Variants in HOOK3 observed in about 807,000 individuals in gnomAD.
The protein encoded by HOOK3 is hook microtubule tethering protein 3, also known as protein Hook homolog 3.
In HOOK3, 24 loss-of-function variants were observed where a neutral mutation model predicts 116.3. That is an observed-to-expected ratio of 0.21 (90% CI 0.15 to 0.29). The LOEUF (loss-of-function observed/expected upper bound fraction) is 0.29. Ranked by LOEUF, HOOK3 falls within the 10% of genes least tolerant of loss-of-function variation. HOOK3 has a pLI of 1.00. For missense variants in HOOK3, 632 were observed against 830.2 expected (o/e 0.76, Z 2.93); for synonymous variants, 275 against 283.0 (o/e 0.97, Z 0.28).
At position 43,025,239 on chromosome 8, in the gene HOOK3, G is replaced by T. The variant is rs1431413184; in HGVS notation, c.*6741G>T. On this transcript the variant is annotated 3_prime_UTR_variant, in exon 22 of 22. Transcript: ENST00000307602. The stretch of plus-strand genomic sequence containing the variant: ...GGAATTACTTGATGTCTCTTCAGAA[G>T]TTTTCTGTTTTCTTATAATTTCCAG... 1 of 205,874 alleles carries T rather than the reference G, an allele frequency of 4.9e-6. No individual in the cohort carries two copies. The highest frequency in any genetic ancestry group is 2.3e-5 in the African/African-American group (1 of 43,866). The allele number at this position is 205,874 out of a possible 1,614,324, so 12.8% of individuals were successfully genotyped here. A position where few individuals can be genotyped will look rare whatever the true frequency, so the allele number is the denominator to read the frequency against.
chr8:43,022,581 T>C lies in HOOK3; in HGVS notation c.*4083T>C, dbSNP rs547264878. ...TGTTCCACAGTGTGTATTTCAGAAG[T>C]TTGTAATCCAGAAAATATAGTAGTG... On this transcript the variant is annotated 3_prime_UTR_variant, in exon 22 of 22. Coordinates refer to ENST00000307602, the MANE Select transcript of HOOK3 (RefSeq NM_032410.4). The C allele has an allele frequency of 2.1e-4, 40 of 186,826 alleles. No individual in the cohort carries two copies. The highest frequency in any genetic ancestry group is 2.0e-3 in the Middle Eastern group (1 of 504). The allele number at this position is 186,826 out of a possible 1,614,324, so 11.6% of individuals were successfully genotyped here. A position where few individuals can be genotyped will look rare whatever the true frequency, so the allele number is the denominator to read the frequency against.
chr8:43,021,959 G>A lies in HOOK3; in HGVS notation c.*3461G>A, dbSNP rs915477715. On this transcript the variant is annotated 3_prime_UTR_variant, in exon 22 of 22. Transcript: ENST00000307602. ...GCTGGGATTACAGGCGTGAGCCACC[G>A]CGCCCAGCCTACATTTATAATTTTC... 3.9e-5 allele frequency: 7 copies of A among 177,626 alleles called. No individual in the cohort carries two copies. Among genetic ancestry groups the A allele is most frequent in the East Asian group, 1.9e-4 (2 of 10,614 alleles). 11.0% of individuals were successfully genotyped at this position (177,626 alleles called of 1,614,324 possible).
At chr8:43,003,910 G>A (rs568755069) in intron 17 of HOOK3, among the ~76,000 whole-genome samples, 1 of 152,148 alleles carries the variant, frequency 6.6e-6, no homozygotes, top group Non-Finnish European at 1.5e-5. Flanking sequence ...GATCCAGCGT[G>A]CCCTCATCTT....
chr8:42,924,238 A>C (rs372547621), intron 2 of HOOK3, among the ~76,000 whole-genome samples: 21 of 152,156 alleles, frequency 1.4e-4, no homozygotes, highest in African/African-American at 4.8e-4. Context: ...TTAGATATGT[A>C]ATTTAATTTT....
chr8:42,952,657 C>T (rs577724082), intron 6 of HOOK3, among the ~76,000 whole-genome samples: 9 of 152,310 alleles, frequency 5.9e-5, no homozygotes, highest in East Asian at 5.8e-4. Context: ...GCAAAGACAA[C>T]TCCTATCTCT....
chr8:42,985,261 GTA>G (rs1402119382), intron 14 of HOOK3, among the ~76,000 whole-genome samples: 2 of 152,120 alleles, frequency 1.3e-5, no homozygotes, highest in South Asian at 2.1e-4. Flanking sequence ...ATACAGAGAA[GTA>G]TATTTATAAA....
At chr8:42,965,678 T>C (rs1312297462) in intron 9 of HOOK3, among the ~76,000 whole-genome samples, 2 of 152,392 alleles carry the variant, frequency 1.3e-5, no homozygotes, top group South Asian at 2.1e-4. Context: ...ATTTTTACTT[T>C]ACTGAGTAAC....
At chr8:43,003,825 C>T (rs1241598272) in intron 17 of HOOK3, among the ~76,000 whole-genome samples, 1 of 152,150 alleles carries the variant, frequency 6.6e-6, no homozygotes, top group African/African-American at 2.4e-5. Flanking sequence ...CTTCACATGT[C>T]ATTCTTTTCT....
At chr8:42,963,999 A>G (rs1168519900) in intron 8 of HOOK3, among the ~76,000 whole-genome samples, 1 of 152,064 alleles carries the variant, frequency 6.6e-6, no homozygotes, top group African/African-American at 2.4e-5. Flanking sequence ...TGAGGTCAAG[A>G]GATCAAGACC....
intron 17 of HOOK3, among the ~76,000 whole-genome samples, chr8:43,003,820 C>T (rs1809422072): frequency 6.6e-6 from 1 of 152,154 alleles, no homozygotes; most frequent in African/African-American, 2.4e-5. Context: ...TCCACCTTCA[C>T]ATGTCATTCT....
At chr8:42,998,802 T>C (rs997695456) in intron 16 of HOOK3, among the ~76,000 whole-genome samples, 1 of 152,188 alleles carries the variant, frequency 6.6e-6, no homozygotes, top group African/African-American at 2.4e-5. Flanking sequence ...CATTTAAACT[T>C]CCTTATGCCC....
At chr8:42,974,994 G>A (rs1029024807) in intron 13 of HOOK3, among the ~76,000 whole-genome samples, 15 of 152,180 alleles carry the variant, frequency 9.9e-5, no homozygotes, top group African/African-American at 3.6e-4. Flanking sequence ...GGCCTCCTAG[G>A]CCCTCACTAG....
chr8:42,987,912 T>C (rs1809078544), intron 15 of HOOK3, among the ~76,000 whole-genome samples: 2 of 152,264 alleles, frequency 1.3e-5, no homozygotes, highest in Non-Finnish European at 2.9e-5. Flanking sequence ...ACGTTTTTAT[T>C]AATAGCTTCA....
At chr8:43,008,870 G>A (rs1022634992) in intron 18 of HOOK3, among the ~76,000 whole-genome samples, 5 of 149,278 alleles carry the variant, frequency 3.3e-5, no homozygotes, top group East Asian at 2.0e-4. Flanking sequence ...CGTTTTAGCC[G>A]GGATGGTCTC....
intron 2 of HOOK3, among the ~76,000 whole-genome samples, chr8:42,918,218 G>T (rs1386793198): frequency 6.6e-6 from 1 of 152,054 alleles, no homozygotes; most frequent in Admixed American, 6.6e-5. Flanking sequence ...GATGATTGTA[G>T]TCCCAGCTAC....
intron 7 of HOOK3, among the ~76,000 whole-genome samples, chr8:42,958,596 GTTTTTTT>G (rs71550434): frequency 2.8e-5 from 3 of 106,370 alleles, no homozygotes; most frequent in Non-Finnish European, 5.9e-5. Context: ...GTTTTTGATA[GTTTTTTT>G]TTTTTTTTTT....
At chr8:42,942,952 G>T (rs1200904784) in intron 4 of HOOK3, among the ~76,000 whole-genome samples, 1 of 152,154 alleles carries the variant, frequency 6.6e-6, no homozygotes, top group Non-Finnish European at 1.5e-5. Context: ...CTTACTGTTG[G>T]GGACATGAAT....
chr8:42,920,855 G>A (rs929079083), intron 2 of HOOK3, among the ~76,000 whole-genome samples: 4 of 152,162 alleles, frequency 2.6e-5, no homozygotes, highest in Admixed American at 2.0e-4. Flanking sequence ...TTGTGAATGC[G>A]CAGTGCCTGG....
chr8:43,022,829 T>C lies in HOOK3; in HGVS notation c.*4331T>C, dbSNP rs1809853986. 1 of 175,080 alleles carries C rather than the reference T, an allele frequency of 5.7e-6. No homozygotes were observed. Among genetic ancestry groups the C allele is most frequent in the Non-Finnish European group, 1.2e-5 (1 of 81,002 alleles). The allele number at this position is 175,080 out of a possible 1,614,324, so 10.8% of individuals were successfully genotyped here. A position where few individuals can be genotyped will look rare whatever the true frequency, so the allele number is the denominator to read the frequency against. On this transcript the variant is annotated 3_prime_UTR_variant, in exon 22 of 22. Transcript: ENST00000307602. ...TAGACTATAATAAGGATGAAATTGC[T>C]GTCTGTAATTTTGTTGAGGTTTTAT... is the stretch of plus-strand genomic sequence containing the variant.
Sources: gnomAD v4.1 joint callset for allele counts (sites outside exome capture counted in the v4.1 genomes callset) on GRCh38, gnomAD v4.1.1 for gene constraint, MANE v1.5 for transcripts, NCBI Gene and HGNC (gene_info 2026-07-23, HGNC 2026-07-21) for gene names.